CHAF1A: variants seen among roughly 807,000 people sequenced by gnomAD.
CHAF1A encodes CAF-1 subunit A.
In CHAF1A, 5 loss-of-function variants were observed where a neutral mutation model predicts 93.2. That is an observed-to-expected ratio of 0.05 (90% CI 0.03 to 0.11). The LOEUF (loss-of-function observed/expected upper bound fraction) is 0.11, where lower values mean the gene tolerates loss of function less well. CHAF1A is among the 10% of genes least tolerant of loss of function. The probability of loss-of-function intolerance (pLI) is 1.00; values close to 1 mark genes in which losing one functional copy is unlikely to be tolerated. For synonymous variants in CHAF1A, 504 were observed against 510.3 expected (o/e 0.99, Z 0.17); for missense variants, 1,102 against 1,259.9 (o/e 0.87, Z 1.90).
At chr19:4,425,747 C>T (rs1470267207) in intron 7 of CHAF1A, among the ~76,000 whole-genome samples, 1 of 152,178 alleles carries the variant, frequency 6.6e-6, no homozygotes, top group Admixed American at 6.5e-5. Context: ...AGCATGAGTT[C>T]ACCTCTAGGA....
chr19:4,431,512 G>A (rs1251963821), intron 11 of CHAF1A, among the ~76,000 whole-genome samples: 1 of 152,120 alleles, frequency 6.6e-6, no homozygotes, highest in Non-Finnish European at 1.5e-5. Flanking sequence ...TGGTGGGACT[G>A]TCTCATGGTT....
chr19:4,417,663 G>A (rs1212618267), intron 3 of CHAF1A, among the ~76,000 whole-genome samples: 3 of 151,652 alleles, frequency 2.0e-5, no homozygotes, highest in Middle Eastern at 3.5e-3. Context: ...GTTTTGCCAC[G>A]TTGGCCAGGC....
intron 3 of CHAF1A, among the ~76,000 whole-genome samples, chr19:4,413,960 T>C (rs1485956330): frequency 2.0e-5 from 3 of 152,246 alleles, no homozygotes; most frequent in Non-Finnish European, 2.9e-5. Context: ...TTTAGCCTCT[T>C]CTGTTAGTGA....
intron 3 of CHAF1A, among the ~76,000 whole-genome samples, chr19:4,417,447 C>T (rs1168823012): frequency 6.8e-6 from 1 of 146,304 alleles, no homozygotes; most frequent in African/African-American, 2.5e-5. Context: ...GTCGCCCAGG[C>T]CAGCTGTCGC....
At chr19:4,415,870 C>T (rs1973888203) in intron 3 of CHAF1A, among the ~76,000 whole-genome samples, 1 of 152,096 alleles carries the variant, frequency 6.6e-6, no homozygotes, top group Admixed American at 6.5e-5. Flanking sequence ...GTTCAGCTTT[C>T]CCAGATAAAG....
downstream of CHAF1A, chr19:4,449,301 T>G (rs1169185229): frequency 6.5e-6 from 1 of 152,774 alleles, no homozygotes; most frequent in Non-Finnish European, 1.5e-5. Flanking sequence ...GTGTCAGGAT[T>G]CGGGCCACCT....
intron 3 of CHAF1A, among the ~76,000 whole-genome samples, chr19:4,412,314 G>A (rs1390841010): frequency 2.6e-5 from 4 of 152,202 alleles, no homozygotes; most frequent in East Asian, 1.9e-4. Flanking sequence ...ACGCCGAGGC[G>A]GGTGGATCAC....
downstream of CHAF1A, chr19:4,446,390 C>T: frequency 1.3e-6 from 2 of 1,578,178 alleles, no homozygotes; most frequent in South Asian, 1.1e-5. Flanking sequence ...CCGCAGCACG[C>T]TCAGCCGCTC....
At chr19:4,445,112 A>G, downstream of CHAF1A, 1 of 222,994 alleles carries the variant, frequency 4.5e-6, no homozygotes, top group Non-Finnish European at 9.0e-6. Context: ...TCCACAGAGC[A>G]GCCCTAGTGC....
In CHAF1A at chr19:4,433,320, G is replaced by C; in HGVS notation, c.2454G>C (p.Trp818Cys). 6.2e-7 allele frequency: 1 copy of C among 1,614,144 alleles called. No individual in the cohort carries two copies. Among genetic ancestry groups the C allele is most frequent in the Non-Finnish European group, 8.5e-7 (1 of 1,179,986 alleles). ...YEKRPDFRMC[W>C]YVHPQVLQSF... ...AGCGGCCTGACTTCAGGATGTGCTG[G>C]TACGTGCACCCGCAGGTGCTACAGA... Residue 818 changes from tryptophan to cysteine, a missense_variant, in exon 13 of 15, where the codon TGG becomes TGC. By Grantham distance (215) the Trp-to-Cys change is radical (BLOSUM62 -2). Transcript: ENST00000301280. This position sits in a 1 kb window ranked among gnomAD's most constrained non-coding sequence, Gnocchi z 5.6.
chr19:4,403,132 G>A (rs1452763990), intron 1 of CHAF1A, among the ~76,000 whole-genome samples: 1 of 152,230 alleles, frequency 6.6e-6, no homozygotes, highest in Non-Finnish European at 1.5e-5. Context: ...GAAAGGGCTT[G>A]CCCTGCAGGT....
chr19:4,449,771 C>T (rs1974616660), downstream of CHAF1A: 2 of 152,090 alleles, frequency 1.3e-5, no homozygotes, highest in Non-Finnish European at 2.9e-5. Context: ...CAGCTGTAAG[C>T]AAAAGACAGG....
chr19:4,446,384 A>G (rs756313078), downstream of CHAF1A: 3 of 1,577,184 alleles, frequency 1.9e-6, no homozygotes, highest in Non-Finnish European at 8.6e-7. Flanking sequence ...CTTGGTCCGC[A>G]GCACGCTCAG....
At chr19:4,430,707 C>T (rs975458646) in intron 11 of CHAF1A, 66 bp downstream of exon 11, 20 of 1,565,072 alleles carry the variant, frequency 1.3e-5, no homozygotes, top group Middle Eastern at 1.9e-4. Flanking sequence ...TGCTCAGTGG[C>T]CTGACCTGGG....
At chr19:4,447,670 C>T (rs774741632), downstream of CHAF1A, 18 of 1,600,244 alleles carry the variant, frequency 1.1e-5, no homozygotes, top group Non-Finnish European at 1.5e-5. Flanking sequence ...CCAGGCTGCC[C>T]ACCCGGCCCC....
chr19:4,411,910 A>G (rs950039666), intron 3 of CHAF1A, among the ~76,000 whole-genome samples: 1 of 151,916 alleles, frequency 6.6e-6, no homozygotes, highest in Non-Finnish European at 1.5e-5. Flanking sequence ...CGGCCTCCCA[A>G]AGTGCTGGGA....
At chr19:4,447,209 G>C (rs1974552056), downstream of CHAF1A, 3 of 579,018 alleles carry the variant, frequency 5.2e-6, no homozygotes, top group African/African-American at 1.9e-5. Context: ...CACCGCCCAG[G>C]ACCCCAGTCC....
intron 13 of CHAF1A, among the ~76,000 whole-genome samples, chr19:4,440,420 CAT>C (rs2145151610): frequency 1.3e-5 from 2 of 150,888 alleles, no homozygotes; most frequent in East Asian, 3.9e-4. Flanking sequence ...GCCTGGGCAA[CAT>C]AGTGACACCC....
At chr19:4,408,872 C>T (rs377165063) in intron 2 of CHAF1A, 31 bp from the exon 3 acceptor site, 1 of 1,570,426 alleles carries the variant, frequency 6.4e-7, no homozygotes, top group African/African-American at 1.4e-5. Context: ...TTTAAACGTT[C>T]ACTAGAGATG....
Sources: gnomAD v4.1 joint callset for allele counts (sites outside exome capture counted in the v4.1 genomes callset) on GRCh38, gnomAD v4.1.1 for gene constraint, Gnocchi (gnomAD v3.1) non-coding constraint, MANE v1.5 for transcripts, NCBI Gene and HGNC (gene_info 2026-07-23, HGNC 2026-07-21) for gene names.